The following HS3ST4 variants were observed in gnomAD, a reference collection of about 807,000 sequenced individuals.
The protein encoded by HS3ST4 is heparan sulfate-glucosamine 3-sulfotransferase 4.
A neutral mutation model predicts 29.2 loss-of-function variants in HS3ST4; 17 were observed. The observed-to-expected ratio is 0.58, with a 90% confidence interval of 0.40 to 0.87. The LOEUF is 0.87. Ranked by LOEUF, HS3ST4 falls within the 40% of genes least tolerant of loss-of-function variation. The pLI is 0.00. For missense variants in HS3ST4, 627 were observed against 634.5 expected (o/e 0.99, Z 0.13); for synonymous variants, 314 against 285.7 (o/e 1.10, Z -1.00).
At chr16:26,118,201 G>A (rs985126396) in intron 1 of HS3ST4, among the ~76,000 whole-genome samples, 5 of 152,124 alleles carry the variant, frequency 3.3e-5, no homozygotes, top group African/African-American at 4.8e-5. Context: ...GAGTAGCTGG[G>A]ACCACAGGTG....
chr16:26,006,081 C>T (rs1433451570), intron 1 of HS3ST4, among the ~76,000 whole-genome samples: 1 of 151,788 alleles, frequency 6.6e-6, no homozygotes, highest in East Asian at 1.9e-4. Context: ...TGTGAATCAC[C>T]TGAGGTTAGG....
chr16:26,029,769 G>A (rs1313488666), intron 1 of HS3ST4, among the ~76,000 whole-genome samples: 1 of 152,212 alleles, frequency 6.6e-6, no homozygotes, highest in Non-Finnish European at 1.5e-5. Flanking sequence ...TCAGTTCCAG[G>A]AGAAGGGTGC....
chr16:26,064,499 A>G (rs1898519220), intron 1 of HS3ST4, among the ~76,000 whole-genome samples: 1 of 152,044 alleles, frequency 6.6e-6, no homozygotes, highest in Non-Finnish European at 1.5e-5. Context: ...CAGGGTACAT[A>G]GGACCAGATT....
chr16:25,810,156 T>TA (rs34320165), intron 1 of HS3ST4, among the ~76,000 whole-genome samples: 34,094 of 152,020 alleles, frequency 0.22, 4,223 homozygotes, highest in East Asian at 0.35. Flanking sequence ...CATATGTAGT[T>TA]ACGGTGTACT....
Position 26,077,639 on chromosome 16 carries a change from T to A in HS3ST4, c.735-57973T>A, listed in dbSNP as rs1898677891. Among the ~76,000 whole-genome samples the A allele has an allele frequency of 2.6e-5, 4 of 152,262 alleles. No homozygotes were observed. In the South Asian group the frequency reaches 8.3e-4, roughly 32 times the overall value. On this transcript the variant is annotated intron_variant, in intron 1 of 1. Transcript: ENST00000331351. ...CTTCATTGGTTTGTTCACTGCTGGA[T>A]GTCCAGTTCCCAGGCTAATGGTATC...
intron 1 of HS3ST4, among the ~76,000 whole-genome samples, chr16:25,987,070 A>C (rs932739012): frequency 6.6e-6 from 1 of 152,336 alleles, no homozygotes; most frequent in Middle Eastern, 3.4e-3. Flanking sequence ...AATACTGCTG[A>C]ATGGGCTCTG....
At chr16:26,120,144 T>C (rs1743558386) in intron 1 of HS3ST4, among the ~76,000 whole-genome samples, 2 of 152,064 alleles carry the variant, frequency 1.3e-5, no homozygotes, top group African/African-American at 4.8e-5. Context: ...GAATGCCTGA[T>C]AATATAAGAA....
At chr16:25,800,887 C>G (rs1458319232) in intron 1 of HS3ST4, among the ~76,000 whole-genome samples, 1 of 152,154 alleles carries the variant, frequency 6.6e-6, no homozygotes, top group African/African-American at 2.4e-5. Context: ...GAGCCCTCAC[C>G]AGACATTGAA....
chr16:25,998,428 A>G (rs1477495534), intron 1 of HS3ST4, among the ~76,000 whole-genome samples: 1 of 152,168 alleles, frequency 6.6e-6, no homozygotes, highest in Non-Finnish European at 1.5e-5. Flanking sequence ...ACCACATCAC[A>G]CTTTGGAGTC....
At chr16:26,038,155 C>T (rs989237667) in intron 1 of HS3ST4, among the ~76,000 whole-genome samples, 8 of 152,176 alleles carry the variant, frequency 5.3e-5, no homozygotes, top group African/African-American at 1.7e-4. Context: ...CCCTCAGCGA[C>T]GTCAAGCTCA....
chr16:25,764,653 T>C (rs932457602), intron 1 of HS3ST4, among the ~76,000 whole-genome samples: 5 of 152,226 alleles, frequency 3.3e-5, no homozygotes, highest in African/African-American at 1.2e-4. Flanking sequence ...GCCCCTAGAA[T>C]AGGGATGGCA....
At chr16:25,789,726 A>C (rs1348622287) in intron 1 of HS3ST4, among the ~76,000 whole-genome samples, 1 of 152,078 alleles carries the variant, frequency 6.6e-6, no homozygotes, top group East Asian at 1.9e-4. Flanking sequence ...AAGGTCCTCC[A>C]CCTGTGCTCC....
chr16:26,045,054 G>A (rs755060291), intron 1 of HS3ST4, among the ~76,000 whole-genome samples: 1 of 152,136 alleles, frequency 6.6e-6, no homozygotes, highest in Non-Finnish European at 1.5e-5. Context: ...TGTGTAATTT[G>A]TATATCAACC....
At chr16:25,899,983 A>G (rs4477709) in intron 1 of HS3ST4, among the ~76,000 whole-genome samples, 1 of 152,082 alleles carries the variant, frequency 6.6e-6, no homozygotes, top group Non-Finnish European at 1.5e-5. Flanking sequence ...TGGGACCAGC[A>G]ACTTTCAAAT....
chr16:25,974,133 A>G lies in HS3ST4; in HGVS notation c.735-161479A>G, dbSNP rs531553633. On this transcript the variant is annotated intron_variant, in intron 1 of 1. Transcript: ENST00000331351. Reference sequence around the variant, plus strand: ...AATTTCAGATTTATACATTATCCCTAGTTCTTCATAATCTGCCAGCCTCTC... The same window carrying G: ...AATTTCAGATTTATACATTATCCCTGGTTCTTCATAATCTGCCAGCCTCTC... Among the ~76,000 whole-genome samples, 11 of 152,298 alleles carry G rather than the reference A, an allele frequency of 7.2e-5. No individual in the cohort carries two copies. The East Asian group carries it at 7.7e-4, about 11-fold the overall frequency.
intron 1 of HS3ST4, among the ~76,000 whole-genome samples, chr16:25,789,308 T>C (rs1966863000): frequency 6.6e-6 from 1 of 151,934 alleles, no homozygotes; most frequent in Non-Finnish European, 1.5e-5. Context: ...TCTTTCTTTC[T>C]TTCTTTCTCC....
At chr16:25,897,504 C>G (rs556528535) in intron 1 of HS3ST4, among the ~76,000 whole-genome samples, 1 of 152,190 alleles carries the variant, frequency 6.6e-6, no homozygotes, top group South Asian at 2.1e-4. Context: ...TGGACACAGA[C>G]GGGCTGGCTA....
At chr16:26,103,911 T>G (rs1439930337) in intron 1 of HS3ST4, among the ~76,000 whole-genome samples, 1 of 152,216 alleles carries the variant, frequency 6.6e-6, no homozygotes, top group African/African-American at 2.4e-5. Flanking sequence ...AAAGCCCATC[T>G]TTCATATATT....
At chr16:25,729,495 C>T (rs1370132430) in intron 1 of HS3ST4, among the ~76,000 whole-genome samples, 1 of 152,192 alleles carries the variant, frequency 6.6e-6, no homozygotes, top group East Asian at 1.9e-4. Flanking sequence ...TTAGGTTCCA[C>T]GCTACCACCT....
Sources: gnomAD v4.1 joint callset for allele counts (sites outside exome capture counted in the v4.1 genomes callset) on GRCh38, gnomAD v4.1.1 for gene constraint, MANE v1.5 for transcripts, NCBI Gene and HGNC (gene_info 2026-07-23, HGNC 2026-07-21) for gene names.